The following WDPCP variants were observed in gnomAD, a reference collection of about 807,000 sequenced individuals.
WDPCP encodes WD repeat-containing and planar cell polarity effector protein fritz homolog.
In WDPCP, 71 loss-of-function variants were observed where a neutral mutation model predicts 93.1. The observed-to-expected ratio is 0.76, with a 90% CI of 0.63 to 0.93. The LOEUF is 0.93. Among genes scored for constraint, WDPCP ranks in the 40% least tolerant of loss-of-function variants. The pLI is 0.00. For missense variants in WDPCP, 844 were observed against 887.4 expected (o/e 0.95, Z 0.62); for synonymous variants, 315 against 315.0 (o/e 1.00, Z 0.00).
intron 6 of WDPCP, among the ~76,000 whole-genome samples, chr2:63,460,917 C>T (rs565618255): frequency 1.1e-3 from 171 of 152,084 alleles, no homozygotes; most frequent in African/African-American, 3.8e-3. Context: ...TGAGCCACTG[C>T]GCCCAGCCAC....
chr2:63,311,047 GTCTC>G (rs1225102822), intron 13 of WDPCP, among the ~76,000 whole-genome samples: 1 of 152,102 alleles, frequency 6.6e-6, no homozygotes, highest in Non-Finnish European at 1.5e-5. Flanking sequence ...AGCCCCTTTA[GTCTC>G]TCTGCTTTCC....
chr2:63,278,329 A>G (rs1683237532), intron 13 of WDPCP, among the ~76,000 whole-genome samples: 1 of 152,186 alleles, frequency 6.6e-6, no homozygotes, highest in African/African-American at 2.4e-5. Flanking sequence ...ACAAAGAGAC[A>G]ATCTAAAGTC....
chr2:63,733,903 C>T (rs1293335945), intron 2 of WDPCP, among the ~76,000 whole-genome samples: 4 of 152,078 alleles, frequency 2.6e-5, no homozygotes, highest in Middle Eastern at 3.4e-3. Context: ...CATAAGTAGC[C>T]CCTCATTTCC....
At chr2:63,347,335 C>T (rs1689258456) in intron 12 of WDPCP, among the ~76,000 whole-genome samples, 1 of 152,094 alleles carries the variant, frequency 6.6e-6, no homozygotes, top group African/African-American at 2.4e-5. Flanking sequence ...ATATCTGATA[C>T]AATATTTGGG....
chr2:63,309,660 A>G (rs756489310), intron 13 of WDPCP, among the ~76,000 whole-genome samples: 7 of 152,186 alleles, frequency 4.6e-5, no homozygotes, highest in Non-Finnish European at 8.8e-5. Flanking sequence ...TCCCCAAAAC[A>G]TACACATTAT....
intron 10 of WDPCP, among the ~76,000 whole-genome samples, chr2:63,403,463 T>A (rs1446211233): frequency 6.6e-6 from 1 of 152,160 alleles, no homozygotes; most frequent in African/African-American, 2.4e-5. Context: ...TGGGCTATAT[T>A]AATATATAAT....
intron 2 of WDPCP, among the ~76,000 whole-genome samples, chr2:63,767,231 G>T (rs1188869570): frequency 2.0e-5 from 3 of 151,924 alleles, no homozygotes; most frequent in African/African-American, 7.3e-5. Context: ...TACTTAATTT[G>T]CTTATTCATT....
chr2:63,426,940 TC>T (rs1055482513), intron 9 of WDPCP, among the ~76,000 whole-genome samples: 56 of 152,152 alleles, frequency 3.7e-4, no homozygotes, highest in African/African-American at 1.3e-3. Context: ...GGGCCACTAT[TC>T]TTACATCAGA....
chr2:63,616,315 GA>G (rs1187488192), intron 3 of WDPCP, among the ~76,000 whole-genome samples: 2 of 152,018 alleles, frequency 1.3e-5, no homozygotes, highest in Admixed American at 1.3e-4. Flanking sequence ...CTTGAGCCTG[GA>G]AAAAACTCCT....
intron 14 of WDPCP, among the ~76,000 whole-genome samples, chr2:63,184,863 ATTCT>A (rs1236300795): frequency 6.6e-6 from 1 of 151,984 alleles, no homozygotes; most frequent in Non-Finnish European, 1.5e-5. Context: ...GTAAGTTTAG[ATTCT>A]TTATATAATC....
chr2:63,806,048 AG>A (rs1310346848), intron 2 of WDPCP, among the ~76,000 whole-genome samples: 2 of 152,212 alleles, frequency 1.3e-5, no homozygotes, highest in African/African-American at 2.4e-5. Flanking sequence ...CAGGAGGCGT[AG>A]GTTGCAGTGA....
intron 3 of WDPCP, among the ~76,000 whole-genome samples, chr2:63,626,709 C>G (rs1255280133): frequency 6.6e-6 from 1 of 152,128 alleles, no homozygotes. Context: ...GAAACAGGAA[C>G]GATTTTACAC....
At chr2:63,622,630 G>C in intron 3 of WDPCP, 2 of 1,613,888 alleles carry the variant, frequency 1.2e-6, no homozygotes, top group Non-Finnish European at 8.5e-7. Context: ...GGAAATAGTT[G>C]CTTGGCCCAG....
intron 14 of WDPCP, among the ~76,000 whole-genome samples, chr2:63,213,284 C>A (rs919530052): frequency 6.6e-6 from 1 of 152,180 alleles, no homozygotes. Flanking sequence ...TCTCAGACCA[C>A]AGGGCAATCA....
upstream of WDPCP, chr2:63,588,862 T>C (rs1178688502): frequency 1.4e-6 from 1 of 699,194 alleles, no homozygotes. Context: ...AAGGAAATGC[T>C]TTGGAGATTG....
At chr2:63,308,198 C>T (rs1482063921) in intron 13 of WDPCP, among the ~76,000 whole-genome samples, 1 of 152,176 alleles carries the variant, frequency 6.6e-6, no homozygotes, top group Non-Finnish European at 1.5e-5. Flanking sequence ...CAATGAGATA[C>T]CATCTCACGC....
intron 13 of WDPCP, among the ~76,000 whole-genome samples, chr2:63,279,573 C>T (rs1683355457): frequency 6.6e-6 from 1 of 152,096 alleles, no homozygotes; most frequent in African/African-American, 2.4e-5. Context: ...TCACTTTTAC[C>T]ACTTCTATTC....
chr2:63,235,995 CAGG>C (rs1679358257), intron 14 of WDPCP, among the ~76,000 whole-genome samples: 1 of 152,136 alleles, frequency 6.6e-6, no homozygotes. Context: ...TCAGAGAAAT[CAGG>C]AGAAGAGAAA....
chr2:63,279,945 G>A (rs559005677), intron 13 of WDPCP, among the ~76,000 whole-genome samples: 3 of 152,222 alleles, frequency 2.0e-5, no homozygotes, highest in Non-Finnish European at 4.4e-5. Context: ...CCTCCACAAG[G>A]AAAACTACAA....
Sources: gnomAD v4.1 joint callset for allele counts (sites outside exome capture counted in the v4.1 genomes callset) on GRCh38, gnomAD v4.1.1 for gene constraint, MANE v1.5 for transcripts, NCBI Gene and HGNC (gene_info 2026-07-23, HGNC 2026-07-21) for gene names.